The following KIAA1217 variants were observed in gnomAD, a reference collection of about 807,000 sequenced individuals.
KIAA1217 encodes the protein KIAA1217, also known as sickle tail protein homolog.
In KIAA1217, 88 loss-of-function variants were observed where a neutral mutation model predicts 163.9. That is an observed-to-expected ratio of 0.54 (90% confidence interval 0.45 to 0.64). The LOEUF (loss-of-function observed/expected upper bound fraction) is 0.64. Among genes scored for constraint, KIAA1217 ranks in the 30% least tolerant of loss-of-function variants. The probability of loss-of-function intolerance (pLI) is 0.00; values close to 1 mark genes in which losing one functional copy is unlikely to be tolerated. For missense variants in KIAA1217, 2,372 were observed against 2,475.0 expected, an observed-to-expected ratio of 0.96 and a Z score of 0.88; for synonymous variants, 903 against 923.1, an observed-to-expected ratio of 0.98 and a Z score of 0.39.
intron 1 of KIAA1217, among the ~76,000 whole-genome samples, chr10:23,743,362 C>G (rs1839222497): frequency 6.6e-6 from 1 of 152,106 alleles, no homozygotes; most frequent in Admixed American, 6.6e-5. Context: ...CACCTCTAAG[C>G]CAGGCATGTG....
chr10:24,111,299 G>A (rs2062835386), intron 2 of KIAA1217, among the ~76,000 whole-genome samples: 1 of 152,162 alleles, frequency 6.6e-6, no homozygotes, highest in Non-Finnish European at 1.5e-5. Context: ...CCTAATAAAG[G>A]TAATTCTCCC....
intron 2 of KIAA1217, among the ~76,000 whole-genome samples, chr10:24,109,024 G>T (rs1440459873): frequency 1.3e-5 from 2 of 150,838 alleles, no homozygotes; most frequent in Non-Finnish European, 2.9e-5. Context: ...TAGAGACGGG[G>T]TTTCCCCATG....
chr10:23,825,999 G>A (rs1454788122), intron 1 of KIAA1217, among the ~76,000 whole-genome samples: 1 of 152,136 alleles, frequency 6.6e-6, no homozygotes, highest in Non-Finnish European at 1.5e-5. Flanking sequence ...ATAAAAAATT[G>A]TTAGTTACCA....
At chr10:23,793,118 G>A (rs1393679893) in intron 1 of KIAA1217, among the ~76,000 whole-genome samples, 1 of 152,036 alleles carries the variant, frequency 6.6e-6, no homozygotes, top group Non-Finnish European at 1.5e-5. Context: ...AATGAGTGAC[G>A]ATTTGTGCAT....
rs2075740099 is a variant in KIAA1217 at position 24,546,864 on chromosome 10, A to G, written c.*540A>G. 1.3e-5 allele frequency: 2 copies of G among 153,848 alleles called. No homozygotes were observed. Among genetic ancestry groups the G allele is most frequent in the Admixed American group, 1.3e-4 (2 of 15,474 alleles). 9.5% of individuals were successfully genotyped at this position (153,848 alleles called of 1,614,324 possible). ...TTTTTTGCCAAAACATTTTGATACT[A>G]TAGCATTGTACATTTGAAAGTAGTG... On this transcript the variant is annotated 3_prime_UTR_variant, in exon 21 of 21. Coordinates refer to ENST00000376454, the MANE Select transcript of KIAA1217 (RefSeq NM_019590.5).
chr10:23,777,188 A>G (rs2130893571), intron 1 of KIAA1217, among the ~76,000 whole-genome samples: 1 of 152,340 alleles, frequency 6.6e-6, no homozygotes, highest in South Asian at 2.1e-4. Flanking sequence ...TCTGAAGTTA[A>G]AGTTAAAATC....
intron 2 of KIAA1217, among the ~76,000 whole-genome samples, chr10:24,179,600 T>C (rs1027215083): frequency 1.3e-5 from 2 of 152,144 alleles, no homozygotes; most frequent in Non-Finnish European, 2.9e-5. Context: ...CTTTTCTTTT[T>C]TTTTCTGAGA....
chr10:23,737,225 G>A (rs560832614), intron 1 of KIAA1217, among the ~76,000 whole-genome samples: 19 of 152,182 alleles, frequency 1.2e-4, no homozygotes, highest in African/African-American at 4.6e-4. Context: ...TTTTGAGACG[G>A]AGTCTCGCTC....
chr10:24,148,362 T>C (rs2064438457), intron 2 of KIAA1217, among the ~76,000 whole-genome samples: 1 of 152,148 alleles, frequency 6.6e-6, no homozygotes, highest in Non-Finnish European at 1.5e-5. Context: ...AAGTTAAGCT[T>C]AGTGTTTTTT....
chr10:23,997,978 GCTTT>G (rs1846566374), intron 1 of KIAA1217, among the ~76,000 whole-genome samples: 1 of 136,970 alleles, frequency 7.3e-6, no homozygotes, highest in Non-Finnish European at 1.6e-5. Flanking sequence ...GGAGAAGGGG[GCTTT>G]CTTTTTTTTT....
intron 2 of KIAA1217, among the ~76,000 whole-genome samples, chr10:24,107,108 TC>T (rs1341502345): frequency 6.6e-6 from 1 of 152,210 alleles, no homozygotes; most frequent in East Asian, 1.9e-4. Flanking sequence ...AGTGTTTAGC[TC>T]CCACTTATAA....
intron 2 of KIAA1217, chr10:24,157,779 C>T (rs533708111): frequency 2.9e-4 from 106 of 364,516 alleles, no homozygotes; most frequent in African/African-American, 2.1e-3. Context: ...TGAAGTAGAG[C>T]AACTGGTACT....
At chr10:23,997,207 G>A (rs1414238921) in intron 1 of KIAA1217, among the ~76,000 whole-genome samples, 1 of 152,156 alleles carries the variant, frequency 6.6e-6, no homozygotes, top group Non-Finnish European at 1.5e-5. Flanking sequence ...GTGAAAGAAG[G>A]ATAAAAGAAC....
At position 24,495,151 on chromosome 10, in the gene KIAA1217, A is replaced by G. The variant is rs2066634493; in HGVS notation, c.1789A>G (p.Lys597Glu). The G allele has an allele frequency of 6.2e-7, 1 of 1,612,274 alleles. No individual in the cohort carries two copies. The highest frequency in any genetic ancestry group is 1.1e-5 in the South Asian group (1 of 90,656). The change falls in exon 8 of 21, where the codon AAA becomes GAA. Residue 597 changes from lysine (K) to glutamate (E), a missense_variant. Physicochemically the swap from Lys to Glu is moderately conservative, Grantham distance 56. Transcript: ENST00000376454. ...TSYSKDASSE[K>E]MMKTTANRNH... is the part of the protein sequence containing the mutation. ...CTCTCTTTTTCTTTTATTCAGCGAG[A>G]AAATGATGAAAACCACAGCCAACAG... is the stretch of plus-strand genomic sequence containing the variant.
At chr10:23,881,485 T>C (rs1840945385) in intron 1 of KIAA1217, among the ~76,000 whole-genome samples, 1 of 151,924 alleles carries the variant, frequency 6.6e-6, no homozygotes, top group African/African-American at 2.4e-5. Context: ...AGCAGCAAAA[T>C]GTATGTCTCC....
At position 24,513,786 on chromosome 10, in the gene KIAA1217, T is replaced by TAAA. The variant is rs10711541; in HGVS notation, c.2177+366_2177+368dup. On this transcript the variant is annotated intron_variant, in intron 10 of 20. Transcript: ENST00000376454. ...GGTAACACAGGGAGATCCTGTCTCT[T>TAAA]AAAAAAAAAAAAAAAACAGAGAGAG... Among the ~76,000 whole-genome samples the TAAA allele has an allele frequency of 8.7e-4, 123 of 140,750 alleles. 1 individual carries two copies. The highest frequency in any genetic ancestry group is 3.6e-3 in the Middle Eastern group (1 of 278). The allele number at this position is 140,750 out of a possible 152,430, so 92.3% of individuals were successfully genotyped here. A position where few individuals can be genotyped will look rare whatever the true frequency, so the allele number is the denominator to read the frequency against.
At chr10:24,245,351 C>T (rs991712665) in intron 2 of KIAA1217, among the ~76,000 whole-genome samples, 1 of 152,150 alleles carries the variant, frequency 6.6e-6, no homozygotes, top group Non-Finnish European at 1.5e-5. Flanking sequence ...CTGTGCTCTG[C>T]TCAGATCATA....
chr10:23,844,300 T>TA (rs1319272198), intron 1 of KIAA1217, among the ~76,000 whole-genome samples: 1 of 152,120 alleles, frequency 6.6e-6, no homozygotes, highest in African/African-American at 2.4e-5. Flanking sequence ...TTATGCCTTT[T>TA]AAAAAAATCC....
chr10:23,773,571 G>C (rs955043605), intron 1 of KIAA1217, among the ~76,000 whole-genome samples: 11 of 152,076 alleles, frequency 7.2e-5, no homozygotes, highest in South Asian at 2.1e-4. Flanking sequence ...CCATTTTCAC[G>C]ATATTGATTC....
Sources: allele counts gnomAD v4.1 joint callset (sites outside exome capture counted in the v4.1 genomes callset), GRCh38; gene constraint gnomAD v4.1.1; transcripts MANE v1.5; gene names NCBI Gene and HGNC (gene_info 2026-07-23, HGNC 2026-07-21).